MAST4: variants seen among roughly 807,000 people sequenced by gnomAD.
MAST4 encodes microtubule associated serine/threonine kinase family member 4, also known as microtubule-associated serine/threonine-protein kinase 4.
Under a neutral mutation model 162.7 loss-of-function variants are expected in MAST4, and 89 were observed. The observed-to-expected ratio is 0.55, with a 90% confidence interval of 0.46 to 0.65. MAST4 has a LOEUF of 0.65. Ranked by LOEUF, MAST4 falls within the 30% of genes least tolerant of loss-of-function variation. MAST4 has a pLI of 0.00. For synonymous variants in MAST4, 1,479 were observed against 1,361.1 expected, an observed-to-expected ratio of 1.09 and a Z score of -1.91; for missense variants, 3,153 against 3,374.0, an observed-to-expected ratio of 0.93 and a Z score of 1.62.
chr5:66,788,547 G>T, intron 2 of MAST4, 123 bp from the exon 3 acceptor site: 1 of 1,260,062 alleles, frequency 7.9e-7, no homozygotes. Flanking sequence ...GTTATTACTG[G>T]GTATGGCAGA....
chr5:66,655,819 G>A (rs1206595890), intron 1 of MAST4, among the ~76,000 whole-genome samples: 3 of 152,196 alleles, frequency 2.0e-5, no homozygotes, highest in African/African-American at 7.2e-5. Flanking sequence ...GGCCAACCTA[G>A]CTGAAGCATG....
At chr5:66,999,260 C>T (rs968315269) in intron 4 of MAST4, among the ~76,000 whole-genome samples, 4 of 152,186 alleles carry the variant, frequency 2.6e-5, no homozygotes, top group Non-Finnish European at 5.9e-5. Context: ...GGGGCTTCTC[C>T]CAGGAACTTC....
intron 1 of MAST4, among the ~76,000 whole-genome samples, chr5:66,705,909 G>T (rs1003542062): frequency 6.6e-6 from 1 of 152,148 alleles, no homozygotes; most frequent in Non-Finnish European, 1.5e-5. Flanking sequence ...GGTAGGTATT[G>T]TTATTATCCC....
chr5:67,121,677 GAA>G (rs111824214), intron 14 of MAST4, among the ~76,000 whole-genome samples: 2 of 137,776 alleles, frequency 1.5e-5, no homozygotes, highest in Non-Finnish European at 1.6e-5. Flanking sequence ...CTGATGACCT[GAA>G]AAAAAAAAAA....
chr5:66,875,724 C>A (rs1392929375), intron 3 of MAST4, among the ~76,000 whole-genome samples: 1 of 152,106 alleles, frequency 6.6e-6, no homozygotes, highest in Non-Finnish European at 1.5e-5. Flanking sequence ...AAAATGTCTG[C>A]ATTATTAAAA....
At chr5:66,969,906 G>A (rs980411915) in intron 4 of MAST4, among the ~76,000 whole-genome samples, 10 of 152,122 alleles carry the variant, frequency 6.6e-5, no homozygotes, top group South Asian at 4.1e-4. Context: ...GAAGATGCTC[G>A]TACCAGATGG....
At chr5:67,064,509 A>G (rs546754090) in intron 5 of MAST4, among the ~76,000 whole-genome samples, 64 of 152,376 alleles carry the variant, frequency 4.2e-4, no homozygotes, top group Admixed American at 1.2e-3. Flanking sequence ...AGTCTTCCTT[A>G]ATACTGAAGT....
At chr5:66,827,593 G>A (rs971056342) in intron 3 of MAST4, among the ~76,000 whole-genome samples, 1 of 152,210 alleles carries the variant, frequency 6.6e-6, no homozygotes, top group African/African-American at 2.4e-5. Context: ...AGGTGAATGG[G>A]TAGGGAACCA....
At chr5:66,986,359 C>A in intron 4 of MAST4, 3 of 930,392 alleles carry the variant, frequency 3.2e-6, no homozygotes, top group Non-Finnish European at 4.9e-6. Flanking sequence ...TGTTGTTACA[C>A]AGAGAAATAC....
rs1756482766 is a variant in MAST4, at chr5:66,811,599, T to TA, written c.642+22806dup. On this transcript the variant is annotated intron_variant, in intron 3 of 28. Transcript: ENST00000403625. ...TCTGATGTCTTGATAGAACATATAATACATTCTGGGTAGGTTAACATCTGT... is the reference window on the plus strand; with the variant it reads ...TCTGATGTCTTGATAGAACATATAATAACATTCTGGGTAGGTTAACATCTGT... Among the ~76,000 whole-genome samples the TA allele has an allele frequency of 2.0e-5, 3 of 152,182 alleles. No individual in the cohort carries two copies. The South Asian group carries it at 6.2e-4, about 32-fold the overall frequency.
intron 5 of MAST4, among the ~76,000 whole-genome samples, chr5:67,073,405 G>A (rs186646854): frequency 6.6e-6 from 1 of 152,306 alleles, no homozygotes; most frequent in Admixed American, 6.5e-5. Flanking sequence ...TAACTGCAAG[G>A]AAAGTTGGAA....
intron 3 of MAST4, among the ~76,000 whole-genome samples, chr5:66,887,069 C>T (rs554609701): frequency 1.3e-5 from 2 of 152,098 alleles, no homozygotes; most frequent in African/African-American, 2.4e-5. Context: ...AAAACAAAAA[C>T]GAAACAAAAC....
chr5:67,124,844 CCA>C (rs1768027436), intron 14 of MAST4, among the ~76,000 whole-genome samples: 1 of 152,150 alleles, frequency 6.6e-6, no homozygotes, highest in South Asian at 2.1e-4. Context: ...TTATATAGTG[CCA>C]CAGAGAGACC....
chr5:66,656,908 A>G (rs1371215869), intron 1 of MAST4, among the ~76,000 whole-genome samples: 3 of 152,162 alleles, frequency 2.0e-5, no homozygotes, highest in Non-Finnish European at 4.4e-5. Flanking sequence ...TAATGCATGT[A>G]AGTTCAGATA....
intron 1 of MAST4, among the ~76,000 whole-genome samples, chr5:66,631,542 A>G (rs1744795910): frequency 6.6e-6 from 1 of 152,054 alleles, no homozygotes; most frequent in Non-Finnish European, 1.5e-5. Context: ...GAGTTGGGAG[A>G]GTGAATCATT....
intron 3 of MAST4, among the ~76,000 whole-genome samples, chr5:66,858,781 T>C (rs1759871176): frequency 6.6e-6 from 1 of 152,176 alleles, no homozygotes; most frequent in African/African-American, 2.4e-5. Context: ...GAGCCTTTCC[T>C]TCTATGTATA....
chr5:66,926,566 C>CTATA (rs200290492), intron 4 of MAST4, among the ~76,000 whole-genome samples: 4,711 of 150,790 alleles, frequency 0.031, 87 homozygotes, highest in Middle Eastern at 0.052. Context: ...CTTTCTCTCT[C>CTATA]TATATATATA....
chr5:66,829,621 ACT>A (rs2149753473), intron 3 of MAST4, among the ~76,000 whole-genome samples: 1 of 152,118 alleles, frequency 6.6e-6, no homozygotes, highest in African/African-American at 2.4e-5. Flanking sequence ...CTCCTGCATA[ACT>A]CTTTGTCCTG....
chr5:66,813,569 G>A (rs1404540572), intron 3 of MAST4, among the ~76,000 whole-genome samples: 1 of 152,212 alleles, frequency 6.6e-6, no homozygotes, highest in East Asian at 1.9e-4. Context: ...TTTCCTCCAG[G>A]TGCAGCTTCT....
Sources: allele counts gnomAD v4.1 joint callset (sites outside exome capture counted in the v4.1 genomes callset), GRCh38; gene constraint gnomAD v4.1.1; transcripts MANE v1.5; gene names NCBI Gene and HGNC (gene_info 2026-07-23, HGNC 2026-07-21).